The following VPS13C variants were observed in gnomAD, a reference collection of about 807,000 sequenced individuals.
VPS13C encodes intermembrane lipid transfer protein VPS13C.
Under a neutral mutation model 456.8 loss-of-function variants are expected in VPS13C, and 358 were observed. The observed-to-expected ratio is 0.78, with a 90% CI of 0.72 to 0.86. The LOEUF is 0.86. VPS13C is among the 40% of genes least tolerant of loss of function. VPS13C has a pLI of 0.00. For synonymous variants in VPS13C, 1,578 were observed against 1,486.7 expected (o/e 1.06, Z -1.41); for missense variants, 4,818 against 4,385.4 (o/e 1.10, Z -2.79).
In VPS13C at chr15:62,037,966, A is replaced by T. The variant is rs932009079; in HGVS notation, c.188-2914T>A. Among the ~76,000 whole-genome samples, 3 of 152,186 alleles carry T rather than the reference A, an allele frequency of 2.0e-5. No homozygotes were observed. The East Asian group carries it at 5.8e-4, about 29-fold the overall frequency. ...AAATGACCCAAACGGAAGTATCCAA[A>T]TAATTGCTAAGAGATGCTAGAGTAG... On this transcript the variant is annotated intron_variant, in intron 3 of 84. Coordinates refer to ENST00000644861, the MANE Select transcript of VPS13C (RefSeq NM_020821.3).
chr15:61,926,987 A>C lies in VPS13C; in HGVS notation c.6516+104T>G, dbSNP rs1055721652. 34 of 1,019,684 alleles carry C rather than the reference A, an allele frequency of 3.3e-5. No individual in the cohort carries two copies. In the African/African-American group the frequency reaches 5.3e-4, roughly 16 times the overall value. The allele number at this position is 1,019,684 out of a possible 1,614,324, so 63.2% of individuals were successfully genotyped here. On this transcript the variant is annotated intron_variant, in intron 52 of 84. Coordinates refer to ENST00000644861, the MANE Select transcript of VPS13C (RefSeq NM_020821.3). Reference sequence around the variant, plus strand: ...TATGTAAAACCCCAAGTTCACAATAAATAATCTCTAAAGTCCCTGCAGAGC... The same window carrying C: ...TATGTAAAACCCCAAGTTCACAATACATAATCTCTAAAGTCCCTGCAGAGC...
chr15:61,955,722 A>T (rs907790332), intron 37 of VPS13C, among the ~76,000 whole-genome samples: 3 of 152,186 alleles, frequency 2.0e-5, no homozygotes, highest in African/African-American at 7.2e-5. Flanking sequence ...AAAACCAGTA[A>T]ATTTAAGTTG....
intron 66 of VPS13C, among the ~76,000 whole-genome samples, chr15:61,890,940 A>G (rs2042631850): frequency 6.6e-6 from 1 of 152,098 alleles, no homozygotes; most frequent in South Asian, 2.1e-4. Context: ...CCAGCTACTC[A>G]GGAGGCTGAG....
At chr15:61,875,431 G>A (rs1373536285) in intron 76 of VPS13C, among the ~76,000 whole-genome samples, 3 of 151,932 alleles carry the variant, frequency 2.0e-5, no homozygotes, top group Non-Finnish European at 4.4e-5. Context: ...TGCTTTCAGT[G>A]CCCTATTAGT....
intron 68 of VPS13C, among the ~76,000 whole-genome samples, chr15:61,883,841 T>C (rs1896061212): frequency 6.6e-6 from 1 of 152,038 alleles, no homozygotes; most frequent in Non-Finnish European, 1.5e-5. Flanking sequence ...TCCATAAGAC[T>C]ATCTGATTTG....
chr15:61,869,371 A>C, intron 80 of VPS13C, 129 bp downstream of exon 80: 2 of 1,079,418 alleles, frequency 1.9e-6, no homozygotes, highest in East Asian at 5.4e-5. Context: ...TCTATGTTTT[A>C]AAGCTACCAC....
intron 15 of VPS13C, among the ~76,000 whole-genome samples, chr15:62,004,383 T>C (rs1437725621): frequency 1.3e-5 from 2 of 152,210 alleles, no homozygotes; most frequent in Non-Finnish European, 2.9e-5. Context: ...TTATCAATAT[T>C]TATTGCATCT....
In VPS13C at chr15:61,984,857, T is replaced by G; in HGVS notation, c.1721A>C (p.Lys574Thr). Reference sequence around the variant, plus strand: ...TTGAAATAAGTTTTTAAAAACTTACTTAAGTGCTTGTGCTCCTGGTCGCTG... The same window carrying G: ...TTGAAATAAGTTTTTAAAAACTTACGTAAGTGCTTGTGCTCCTGGTCGCTG... ...VSQRPGAQAL[K>T]VEAKLEHWYI... Residue 574 changes from lysine (K) to threonine (T), a missense_variant and splice_region_variant, in exon 19 of 85, where the codon AAG (lysine) becomes ACG (threonine). Physicochemically the swap from Lys to Thr is moderately conservative, Grantham distance 78 (BLOSUM62 -1). This residue lies in a region of VPS13C where 4,552 missense variants were observed against 4,130.6 expected (regional missense o/e 1.10). Coordinates refer to ENST00000644861, the MANE Select transcript of VPS13C (RefSeq NM_020821.3). 6.2e-7 allele frequency: 1 copy of G among 1,612,906 alleles called. No homozygotes were observed. Among genetic ancestry groups the G allele is most frequent in the Non-Finnish European group, 8.5e-7 (1 of 1,179,656 alleles).
At chr15:62,007,527 A>G in intron 14 of VPS13C, 48 bp from the exon 15 acceptor site, 2 of 1,443,662 alleles carry the variant, frequency 1.4e-6, no homozygotes, top group South Asian at 3.2e-5. Context: ...AAGGTTTAAG[A>G]GAAAACAGGA....
intron 23 of VPS13C, 82 bp downstream of exon 23, chr15:61,978,544 A>AT: frequency 6.8e-7 from 1 of 1,469,246 alleles, no homozygotes; most frequent in Non-Finnish European, 9.1e-7. Flanking sequence ...CAGGGTTGAT[A>AT]TATAGGCACA....
rs2045023616 is a variant in VPS13C, at chr15:61,956,952, AC to A, written c.4165+1655del. ...CATATGACCCAGTAATTCTACTCCT[AC>A]CTATGTATCCAAAAAAAAAGTGTAT... On this transcript the variant is annotated intron_variant, in intron 37 of 84. Transcript: ENST00000644861. 5.3e-5 allele frequency among the ~76,000 whole-genome samples: 8 copies of A among 152,152 alleles called. No individual in the cohort carries two copies. In the South Asian group the frequency reaches 1.7e-3, roughly 32 times the overall value.
intron 1 of VPS13C, among the ~76,000 whole-genome samples, chr15:62,046,292 A>G (rs1345674575): frequency 6.6e-6 from 1 of 152,164 alleles, no homozygotes; most frequent in Non-Finnish European, 1.5e-5. Flanking sequence ...GTTATTTTGG[A>G]GGCAGAATTG....
intron 18 of VPS13C, among the ~76,000 whole-genome samples, chr15:61,986,872 C>G (rs543734426): frequency 2.6e-5 from 4 of 152,036 alleles, no homozygotes; most frequent in African/African-American, 9.6e-5. Context: ...ACCTAGAATT[C>G]TATACACAAA....
In VPS13C at chr15:61,931,073, A is replaced by T. The variant is rs1283370065; in HGVS notation, c.6038+17T>A. The T allele has an allele frequency of 3.7e-6, 6 of 1,613,558 alleles. No homozygotes were observed. The highest frequency in any genetic ancestry group is 5.1e-6 in the Non-Finnish European group (6 of 1,179,984). On this transcript the variant is annotated intron_variant, in intron 50 of 84. Transcript: ENST00000644861. ...GTCAACCTTAAATAATGTATTGCAA[A>T]CTCAGAGCTGACAAACCTCGATGTT... is the stretch of plus-strand genomic sequence containing the variant.
Position 61,969,470 on chromosome 15 carries a change from A to T in VPS13C, c.2758-18T>A. The T allele has an allele frequency of 6.8e-7, 1 of 1,481,044 alleles. No homozygotes were observed. The highest frequency in any genetic ancestry group is 1.4e-5 in the African/African-American group (1 of 70,840). The allele number at this position is 1,481,044 out of a possible 1,614,324, so 91.7% of individuals were successfully genotyped here. ...AAAATCACCTAAAAGAATTAGAGTC[A>T]ATGAAAAGTTGATAAGAAGTCTGAA... On this transcript the variant is annotated intron_variant, in intron 27 of 84. Coordinates refer to ENST00000644861, the MANE Select transcript of VPS13C (RefSeq NM_020821.3).
intron 66 of VPS13C, among the ~76,000 whole-genome samples, chr15:61,891,885 AC>A (rs997106362): frequency 6.6e-6 from 1 of 152,176 alleles, no homozygotes; most frequent in African/African-American, 2.4e-5. Flanking sequence ...CAGAACTTGA[AC>A]CTGAGGCTGA....
At chr15:62,015,849 G>C (rs2047222383) in intron 9 of VPS13C, among the ~76,000 whole-genome samples, 1 of 138,826 alleles carries the variant, frequency 7.2e-6, no homozygotes, top group South Asian at 2.5e-4. Flanking sequence ...CACGTTAGTG[G>C]GTGCAGCGCA....
At chr15:61,909,665 G>C (rs1485895171) in intron 64 of VPS13C, among the ~76,000 whole-genome samples, 1 of 152,102 alleles carries the variant, frequency 6.6e-6, no homozygotes, top group Admixed American at 6.6e-5. Context: ...AAAAATCAAA[G>C]ACATTTTATT....
intron 42 of VPS13C, among the ~76,000 whole-genome samples, chr15:61,948,351 T>C (rs779591033): frequency 2.0e-5 from 3 of 152,002 alleles, no homozygotes; most frequent in Non-Finnish European, 2.9e-5. Context: ...TTTACTCTAG[T>C]TTATAAGGAA....
Sources: allele counts gnomAD v4.1 joint callset (sites outside exome capture counted in the v4.1 genomes callset), GRCh38; gene constraint gnomAD v4.1.1; regional missense constraint gnomAD v4.1.1; transcripts MANE v1.5; gene names NCBI Gene and HGNC (gene_info 2026-07-23, HGNC 2026-07-21).